IQSEC1: variants seen among roughly 807,000 people sequenced by gnomAD.
IQSEC1 encodes IQ motif and Sec7 domain ArfGEF 1.
In IQSEC1, 31 loss-of-function variants were observed where a neutral mutation model predicts 91.0. The observed-to-expected ratio is 0.34, with a 90% CI of 0.26 to 0.46. IQSEC1 has a LOEUF of 0.46. Among genes scored for constraint, IQSEC1 ranks in the 20% least tolerant of loss-of-function variants. The pLI, the probability that IQSEC1 is intolerant of heterozygous loss-of-function variation, is 1.00. For synonymous variants in IQSEC1, 699 were observed against 662.6 expected, an observed-to-expected ratio of 1.05 and a Z score of -0.84; for missense variants, 1,388 against 1,575.6, an observed-to-expected ratio of 0.88 and a Z score of 2.02.
At chr3:13,180,157 T>C (rs1218841009) in intron 1 of IQSEC1, among the ~76,000 whole-genome samples, 1 of 152,234 alleles carries the variant, frequency 6.6e-6, no homozygotes, top group Non-Finnish European at 1.5e-5. Flanking sequence ...GCGGATCCAC[T>C]GGGTGAAGCC....
At chr3:12,911,824 CAGG>C in intron 9 of IQSEC1, 96 bp from the exon 10 acceptor site, 2 of 831,674 alleles carry the variant, frequency 2.4e-6, no homozygotes, top group Non-Finnish European at 4.0e-6. Flanking sequence ...AGTTCAAAGT[CAGG>C]AGGACAGGGA....
Position 12,941,677 on chromosome 3 carries a change from T to C in IQSEC1, c.212A>G (p.Gln71Arg), listed in dbSNP as rs1698761385. The C allele has an allele frequency of 1.2e-6, 2 of 1,612,932 alleles. No homozygotes were observed. The highest frequency in any genetic ancestry group is 2.2e-5 in the South Asian group (2 of 91,066). ...QQQRTRRPKL[Q>R]HSTSILRKQA... ...CTTGCGCAGGATGGAGGTCGAGTGC[T>C]GCAGCTTGGGCCTCCGCGTGCGCTG... Residue 71 changes from glutamine (Q) to arginine (R), a missense_variant, in exon 2 of 14, where the codon CAG becomes CGG. Transcript: ENST00000613206.
rs942057495 is a variant in IQSEC1, at chr3:13,214,083, C to G, written c.273-49950G>C. ...CCCCTGTGTCCCTGTCCACTGTGCT[C>G]TGTCCACACGGCCCAGCCCCTCCTG... On this transcript the variant is annotated intron_variant, in intron 1 of 15. Coordinates refer to the IQSEC1 transcript ENST00000648114. The surrounding 1 kb of genome is among the most constrained non-coding windows in gnomAD (Gnocchi z 4.5). Among the ~76,000 whole-genome samples, 2 of 152,216 alleles carry G rather than the reference C, an allele frequency of 1.3e-5. No individual in the cohort carries two copies. Among genetic ancestry groups the G allele is most frequent in the Non-Finnish European group, 2.9e-5 (2 of 68,038 alleles).
At chr3:13,014,668 G>A (rs78816549) in intron 1 of IQSEC1, among the ~76,000 whole-genome samples, 16,451 of 152,104 alleles carry the variant, frequency 0.11, 1,076 homozygotes, top group African/African-American at 0.18. Context: ...AGGCTGGGTC[G>A]GTAAAAGCTT....
At chr3:13,226,631 A>G (rs1694758895) in intron 1 of IQSEC1, among the ~76,000 whole-genome samples, 1 of 151,472 alleles carries the variant, frequency 6.6e-6, no homozygotes, top group Non-Finnish European at 1.5e-5. Context: ...TCATCAACCC[A>G]GTAAGTGGGC....
intron 2 of IQSEC1, among the ~76,000 whole-genome samples, chr3:13,111,725 T>C (rs1464923394): frequency 6.6e-6 from 1 of 152,004 alleles, no homozygotes; most frequent in Non-Finnish European, 1.5e-5. Context: ...AAAAGAGGCA[T>C]CAAACTTCCC....
rs956979389 is a variant in IQSEC1 at position 13,073,428 on chromosome 3, C to T, written c.-414G>A. The stretch of plus-strand genomic sequence containing the variant: ...TGCCCCGGGTTTGCTCTCGCAGCAT[C>T]CGGAGAAGGGGCGGGCGCGCCGGAG... On this transcript the variant is annotated 5_prime_UTR_variant, in exon 1 of 14. Coordinates refer to ENST00000613206, the MANE Select transcript of IQSEC1 (RefSeq NM_001134382.3). 6.6e-6 allele frequency among the ~76,000 whole-genome samples: 1 copy of T among 152,124 alleles called. No homozygotes were observed. The highest frequency in any genetic ancestry group is 2.4e-5 in the African/African-American group (1 of 41,430).
intron 1 of IQSEC1, among the ~76,000 whole-genome samples, chr3:13,242,361 C>T (rs1445944392): frequency 6.6e-6 from 1 of 152,200 alleles, no homozygotes; most frequent in South Asian, 2.1e-4. Flanking sequence ...AGAATTTTCC[C>T]AAGTGCTTCT....
chr3:12,938,205 A>T (rs914147709), intron 2 of IQSEC1, among the ~76,000 whole-genome samples: 8 of 152,246 alleles, frequency 5.3e-5, no homozygotes, highest in South Asian at 2.1e-4. Context: ...ATGGTCCCAG[A>T]TGCCACTACA....
In IQSEC1 at chr3:12,941,709, C is replaced by T. The variant is rs757252761; in HGVS notation, c.180G>A (p.Gly60=). The change falls in exon 2 of 14, where the codon GGG becomes GGA. Residue 60 remains glycine, a synonymous_variant. Coordinates refer to ENST00000613206, the MANE Select transcript of IQSEC1 (RefSeq NM_001134382.3). Reference sequence around the variant, plus strand: ...TGGGCCTCCGCGTGCGCTGCTGTTGCCCCGGCGGCCCCGAGTACAGCCCAT... The same window carrying T: ...TGGGCCTCCGCGTGCGCTGCTGTTGTCCCGGCGGCCCCGAGTACAGCCCAT... ...GAYGLYSGPP[G]QQQRTRRPKL... is the part of the protein sequence containing the mutation. The T allele has an allele frequency of 1.2e-6, 2 of 1,612,414 alleles. No individual in the cohort carries two copies. The highest frequency in any genetic ancestry group is 1.7e-5 in the Admixed American group (1 of 59,992).
intron 2 of IQSEC1, among the ~76,000 whole-genome samples, chr3:13,091,150 A>T (rs1403057688): frequency 6.6e-6 from 1 of 152,080 alleles, no homozygotes; most frequent in East Asian, 1.9e-4. Context: ...TCTCTCAGGG[A>T]GGGCTCCTGC....
chr3:13,195,668 A>T (rs1235154811), intron 1 of IQSEC1, among the ~76,000 whole-genome samples: 1 of 152,192 alleles, frequency 6.6e-6, no homozygotes, highest in Non-Finnish European at 1.5e-5. Flanking sequence ...TCTTGCAATG[A>T]CAAAATTACA....
rs753189267 is a variant in IQSEC1, at chr3:12,935,767, G to C, written c.1249C>G (p.Pro417Ala). 9 of 1,608,218 alleles carry C rather than the reference G, an allele frequency of 5.6e-6. No individual in the cohort carries two copies. Among genetic ancestry groups the C allele is most frequent in the Admixed American group, 5.0e-5 (3 of 59,976 alleles). Reference sequence around the variant, plus strand: ...GGCCGCAACTCAGGCTCCTCCCGGGGGAGGCTCTTGGGGGCGCCGCTGTGG... The same window carrying C: ...GGCCGCAACTCAGGCTCCTCCCGGGCGAGGCTCTTGGGGGCGCCGCTGTGG... ...GPHSGAPKSLPREEPELRPRP... is the reference protein window; with the variant it reads ...GPHSGAPKSLAREEPELRPRP... The change falls in exon 3 of 14, where the codon CCC becomes GCC. Residue 417 changes from proline to alanine, a missense_variant. Transcript: ENST00000613206. The surrounding 1 kb of genome is among the most constrained non-coding windows in gnomAD (Gnocchi z 8.0).
intron 2 of IQSEC1, among the ~76,000 whole-genome samples, chr3:13,160,688 T>C (rs1707158600): frequency 6.6e-6 from 1 of 152,316 alleles, no homozygotes; most frequent in Non-Finnish European, 1.5e-5. Flanking sequence ...CCTGAAAATA[T>C]TTATGAGTCC....
intron 1 of IQSEC1, among the ~76,000 whole-genome samples, chr3:12,943,292 T>C (rs1698926652): frequency 6.6e-6 from 1 of 152,156 alleles, no homozygotes; most frequent in African/African-American, 2.4e-5. Flanking sequence ...GGGGGAGCAG[T>C]GCCCCTGGTG....
chr3:12,919,922 G>T (rs927772246), intron 6 of IQSEC1, among the ~76,000 whole-genome samples: 5 of 152,224 alleles, frequency 3.3e-5, no homozygotes, highest in African/African-American at 1.2e-4. Flanking sequence ...ACCTCCCTGA[G>T]GGCAGGGAGC....
At position 13,026,864 on chromosome 3, in the gene IQSEC1, G is replaced by GCTTTTTTT. The variant is rs370534423; in HGVS notation, c.23+46127_23+46128insAAAAAAAG. On this transcript the variant is annotated intron_variant, in intron 1 of 13. Coordinates refer to ENST00000613206, the MANE Select transcript of IQSEC1 (RefSeq NM_001134382.3). Reference sequence around the variant, plus strand: ...TGAAGTAGCAGTTATTATCTCCCCAGTTTTTTTTTTTTTTGTTTGTTTTTT... The same window carrying GCTTTTTTT: ...TGAAGTAGCAGTTATTATCTCCCCAGCTTTTTTTTTTTTTTTTTTTTTGTTTGTTTTTT... Among the ~76,000 whole-genome samples the GCTTTTTTT allele has an allele frequency of 4.4e-5, 4 of 90,864 alleles. 2 individuals are homozygous for GCTTTTTTT. Among genetic ancestry groups the GCTTTTTTT allele is most frequent in the Non-Finnish European group, 4.9e-5 (2 of 40,718 alleles). 59.6% of individuals were successfully genotyped at this position (90,864 alleles called of 152,430 possible). A position where few individuals can be genotyped will look rare whatever the true frequency, so the allele number is the denominator to read the frequency against.
At chr3:13,156,333 A>G (rs2124971226) in intron 2 of IQSEC1, among the ~76,000 whole-genome samples, 1 of 152,374 alleles carries the variant, frequency 6.6e-6, no homozygotes, top group Non-Finnish European at 1.5e-5. Context: ...TATACAAAAA[A>G]TCCACAGCTA....
chr3:13,173,711 G>C (rs1449669489), intron 1 of IQSEC1, among the ~76,000 whole-genome samples: 1 of 152,250 alleles, frequency 6.6e-6, no homozygotes, highest in Non-Finnish European at 1.5e-5. Flanking sequence ...TCTGGGCCTT[G>C]GACAGGCCAT....
Sources: allele counts gnomAD v4.1 joint callset (sites outside exome capture counted in the v4.1 genomes callset), GRCh38; gene constraint gnomAD v4.1.1; non-coding constraint Gnocchi (gnomAD v3.1); transcripts MANE v1.5; gene names NCBI Gene and HGNC (gene_info 2026-07-23, HGNC 2026-07-21).